GBP2: variants seen among roughly 807,000 people sequenced by gnomAD.
GBP2 encodes guanylate-binding protein 2.
GBP2 carries 54 observed loss-of-function variants against 60.8 expected under a neutral mutation model. The ratio of observed to expected loss-of-function variants is 0.89; its 90% CI spans 0.71 to 1.11. GBP2 has a LOEUF of 1.11. Ranked by LOEUF, GBP2 falls within the 50% of genes most tolerant of loss-of-function variation. The pLI is 0.00. For synonymous variants in GBP2, 243 were observed against 256.5 expected (o/e 0.95, Z 0.50); for missense variants, 665 against 703.3 (o/e 0.95, Z 0.62).
intron 2 of GBP2, 145 bp downstream of exon 2, chr1:89,121,632 C>A: frequency 1.2e-6 from 1 of 830,928 alleles, no homozygotes. Context: ...TGTAATCCTC[C>A]AAAGTCAATG....
chr1:89,119,320 C>T (rs1486123243), intron 4 of GBP2: 1 of 152,120 alleles, frequency 6.6e-6, no homozygotes, highest in Non-Finnish European at 1.5e-5. Context: ...GAGGTGAGAA[C>T]TGTGCATTAC....
intron 6 of GBP2, among the ~76,000 whole-genome samples, chr1:89,116,074 G>A (rs1456311387): frequency 2.0e-5 from 3 of 151,994 alleles, no homozygotes; most frequent in Admixed American, 1.3e-4. Context: ...GTGCGGTGGT[G>A]CAGTCTCCGC....
chr1:89,117,795 A>G, intron 4 of GBP2, 22 bp from the exon 5 acceptor site: 4 of 1,572,778 alleles, frequency 2.5e-6, no homozygotes, highest in Non-Finnish European at 3.4e-6. Flanking sequence ...AATTAAGAAA[A>G]CTACAGAAAA....
At chr1:89,120,132 T>C in intron 4 of GBP2, 47 bp downstream of exon 4, 1 of 1,361,702 alleles carries the variant, frequency 7.3e-7, no homozygotes, top group Non-Finnish European at 1.1e-6. Context: ...AAAATGAAGC[T>C]GTTATTTTCT....
rs539256336 is a variant in GBP2, at chr1:89,106,641, A to G, written c.*1534T>C. On this transcript the variant is annotated 3_prime_UTR_variant, in exon 11 of 11. Transcript: ENST00000370466. ...TTTATCTCCATACATCTGCATGGAA[A>G]AACTGGTTGACTAAACATACAGGAA... 11 of 152,336 alleles carry G rather than the reference A, an allele frequency of 7.2e-5. No homozygotes were observed. Among genetic ancestry groups the G allele is most frequent in the African/African-American group, 2.4e-4 (10 of 41,572 alleles). The allele number at this position is 152,336 out of a possible 1,614,324, so 9.4% of individuals were successfully genotyped here. A position where few individuals can be genotyped will look rare whatever the true frequency, so the allele number is the denominator to read the frequency against.
intron 3 of GBP2, among the ~76,000 whole-genome samples, chr1:89,120,604 T>C (rs1243616137): frequency 6.6e-6 from 1 of 152,232 alleles, no homozygotes; most frequent in African/African-American, 2.4e-5. Flanking sequence ...TCCATTTCCA[T>C]GGCACATCAT....
At position 89,108,902 on chromosome 1, in the gene GBP2, T is replaced by TC. The variant is rs61210292; in HGVS notation, c.1660-612_1660-611insG. Among the ~76,000 whole-genome samples, 14 of 142,574 alleles carry TC rather than the reference T, an allele frequency of 9.8e-5. 1 individual carries two copies. The highest frequency in any genetic ancestry group is 8.3e-4 in the East Asian group (4 of 4,818). The allele number at this position is 142,574 out of a possible 152,430, so 93.5% of individuals were successfully genotyped here. On this transcript the variant is annotated intron_variant, in intron 10 of 10. Coordinates refer to ENST00000370466, the MANE Select transcript of GBP2 (RefSeq NM_004120.5). The stretch of plus-strand genomic sequence containing the variant: ...GGTAGATGGTTAGGGAATCTTTCTT[T>TC]TTTTTTTTTTGAGATGGAATTTGAC...
chr1:89,114,240 A>G lies in GBP2; in HGVS notation c.925T>C (p.Cys309Arg). ...AAGGCCAGGACTGCGTTCTCCATGC[A>G]GGGTAGATCCCCACTGCTGATGGCA... ...VNAISSGDLP[C>R]MENAVLALAQ... The change falls in exon 7 of 11, where the codon TGC (cysteine) becomes CGC (arginine). Residue 309 changes from cysteine (C) to arginine (R), a missense_variant. Coordinates refer to ENST00000370466, the MANE Select transcript of GBP2 (RefSeq NM_004120.5). 1 of 1,614,252 alleles carries G rather than the reference A, an allele frequency of 6.2e-7. No individual in the cohort carries two copies. Among genetic ancestry groups the G allele is most frequent in the Non-Finnish European group, 8.5e-7 (1 of 1,180,042 alleles).
rs180780063 is a variant in GBP2, at chr1:89,121,338, G to T, written c.191-68C>A. ...GGTGTTTCTGGAAATTGAGATAAAA[G>T]TTAACATAATTGAAGTTAAAAGAGA... On this transcript the variant is annotated intron_variant, in intron 2 of 10. Transcript: ENST00000370466. 4 of 1,367,292 alleles carry T rather than the reference G, an allele frequency of 2.9e-6. No individual in the cohort carries two copies. In the Admixed American group the frequency reaches 6.9e-5, roughly 24 times the overall value. 84.7% of individuals were successfully genotyped at this position (1,367,292 alleles called of 1,614,324 possible).
At position 89,106,739 on chromosome 1, in the gene GBP2, G is replaced by A. The variant is rs1263091954; in HGVS notation, c.*1436C>T. 2.0e-5 allele frequency: 3 copies of A among 152,210 alleles called. No individual in the cohort carries two copies. Among genetic ancestry groups the A allele is most frequent in the African/African-American group, 7.2e-5 (3 of 41,452 alleles). 9.4% of individuals were successfully genotyped at this position (152,210 alleles called of 1,614,324 possible). On this transcript the variant is annotated 3_prime_UTR_variant, in exon 11 of 11. Coordinates refer to ENST00000370466, the MANE Select transcript of GBP2 (RefSeq NM_004120.5). Reference sequence around the variant, plus strand: ...TACTCTAATTCTCAGACTTTCCCATGGGTAGGCATATGATTTAGATTCTTC... The same window carrying A: ...TACTCTAATTCTCAGACTTTCCCATAGGTAGGCATATGATTTAGATTCTTC...
chr1:89,112,848 AT>A, intron 7 of GBP2, 164 bp from the exon 8 acceptor site: 1 of 599,324 alleles, frequency 1.7e-6, no homozygotes, highest in Non-Finnish European at 3.0e-6. Flanking sequence ...AGTTGTGCTT[AT>A]TGCAGAAATT....
At chr1:89,111,595 A>G (rs1470111483) in intron 8 of GBP2, among the ~76,000 whole-genome samples, 1 of 123,218 alleles carries the variant, frequency 8.1e-6, no homozygotes, top group African/African-American at 3.0e-5. Flanking sequence ...GAAGATAGAG[A>G]GTAGAAGGAT....
rs1681288279 is a variant in GBP2, at chr1:89,117,055, A to G, written c.805T>C (p.Ser269Pro). 6.2e-7 allele frequency: 1 copy of G among 1,614,132 alleles called. No homozygotes were observed. Among genetic ancestry groups the G allele is most frequent in the African/African-American group, 1.3e-5 (1 of 75,040 alleles). Residue 269 changes from serine to proline, a missense_variant, in exon 6 of 11, where the codon TCC becomes CCC. By Grantham distance (74) the Ser-to-Pro change is moderately conservative (BLOSUM62 -1). Transcript: ENST00000370466. ...ACATTGGAATGGCTGAGGATGTAGGAACAAAATTCTGCAACTTGTTCTATG... is the reference window on the plus strand; with the variant it reads ...ACATTGGAATGGCTGAGGATGTAGGGACAAAATTCTGCAACTTGTTCTATG... Reference protein sequence around the residue: ...DFIEQVAEFCSYILSHSNVKT... With the variant: ...DFIEQVAEFCPYILSHSNVKT...
chr1:89,117,313 C>A, intron 5 of GBP2, 79 bp from the exon 6 acceptor site: 1 of 1,307,850 alleles, frequency 7.6e-7, no homozygotes, highest in East Asian at 2.4e-5. Context: ...ATAATTTTCA[C>A]AAAGCCCATG....
At chr1:89,109,903 A>C (rs755022821) in intron 9 of GBP2, 33 bp from the exon 10 acceptor site, 1 of 1,570,518 alleles carries the variant, frequency 6.4e-7, no homozygotes, top group Non-Finnish European at 8.7e-7. Flanking sequence ...AAAAGATATG[A>C]ATATTCAATT....
At chr1:89,122,104 T>C (rs1681414347) in intron 1 of GBP2, 121 bp from the exon 2 acceptor site, 1 of 600,266 alleles carries the variant, frequency 1.7e-6, no homozygotes. Context: ...TATACGTTTT[T>C]TAAAGCCTGG....
At position 89,117,036 on chromosome 1, in the gene GBP2, G is replaced by A. The variant is rs774321393; in HGVS notation, c.824C>T (p.Ser275Phe). Residue 275 changes from serine to phenylalanine, a missense_variant, in exon 6 of 11, where the codon TCC becomes TTC. Transcript: ENST00000370466. The part of the protein sequence containing the change: ...AEFCSYILSH[S>F]NVKTLSGGIP... ...GCCACCTGAAAGAGTCTTGACATTG[G>A]AATGGCTGAGGATGTAGGAACAAAA... 6.2e-7 allele frequency: 1 copy of A among 1,614,030 alleles called. No individual in the cohort carries two copies. Among genetic ancestry groups the A allele is most frequent in the Non-Finnish European group, 8.5e-7 (1 of 1,179,932 alleles).
intron 3 of GBP2, among the ~76,000 whole-genome samples, 197 bp downstream of exon 3, chr1:89,120,946 A>T (rs1681382946): frequency 6.6e-6 from 1 of 152,156 alleles, no homozygotes; most frequent in South Asian, 2.1e-4. Context: ...GTTTACCCAT[A>T]ATTAATCAAT....
At chr1:89,115,456 A>C (rs1681250236) in intron 6 of GBP2, among the ~76,000 whole-genome samples, 1 of 152,204 alleles carries the variant, frequency 6.6e-6, no homozygotes, top group Non-Finnish European at 1.5e-5. Context: ...AAAATTCTTC[A>C]AGATCTTCTC....
Sources: gnomAD v4.1 joint callset for allele counts (sites outside exome capture counted in the v4.1 genomes callset) on GRCh38, gnomAD v4.1.1 for gene constraint, MANE v1.5 for transcripts, NCBI Gene and HGNC (gene_info 2026-07-23, HGNC 2026-07-21) for gene names.